Variants in CALN1 observed in about 807,000 individuals in gnomAD.
CALN1 encodes the protein calneuron 1.
In CALN1, 17 loss-of-function variants were observed where a neutral mutation model predicts 30.6. That is an observed-to-expected ratio of 0.56 (90% CI 0.38 to 0.83). CALN1 has a LOEUF of 0.83. CALN1 is among the 40% of genes least tolerant of loss of function. CALN1 has a pLI of 0.00. For synonymous variants in CALN1, 156 were observed against 131.4 expected (o/e 1.19, Z -1.28); for missense variants, 291 against 354.9 (o/e 0.82, Z 1.45).
At chr7:71,845,880 C>G (rs985105608) in intron 5 of CALN1, among the ~76,000 whole-genome samples, 11 of 152,020 alleles carry the variant, frequency 7.2e-5, no homozygotes, top group Admixed American at 1.3e-4. Flanking sequence ...ATGGTGAAAC[C>G]CCGTCTTTAC....
At chr7:72,049,184 A>C (rs1802676751) in intron 4 of CALN1, among the ~76,000 whole-genome samples, 1 of 152,172 alleles carries the variant, frequency 6.6e-6, no homozygotes, top group South Asian at 2.1e-4. Context: ...CAACAGCCAC[A>C]GCACAGATAA....
chr7:72,499,835 T>TCCC, the CALN1 span, among the ~76,000 whole-genome samples: 1 of 23,776 alleles, frequency 4.2e-5, no homozygotes, highest in East Asian at 1.0e-3. Flanking sequence ...CCTTCTTTCT[T>TCCC]TCTTTCTTTC....
intron 4 of CALN1, among the ~76,000 whole-genome samples, chr7:72,078,249 G>T (rs938109415): frequency 6.6e-6 from 1 of 152,046 alleles, no homozygotes; most frequent in Non-Finnish European, 1.5e-5. Flanking sequence ...TCATAGAGTG[G>T]TTTACTCTGC....
intron 3 of CALN1, among the ~76,000 whole-genome samples, chr7:72,273,702 G>T (rs1312345068): frequency 6.6e-6 from 1 of 151,510 alleles, no homozygotes; most frequent in Non-Finnish European, 1.5e-5. Flanking sequence ...GTAGAGACAG[G>T]GTCTCCCTAT....
At chr7:71,795,625 C>T (rs1020465971) in intron 6 of CALN1, among the ~76,000 whole-genome samples, 1 of 152,094 alleles carries the variant, frequency 6.6e-6, no homozygotes, top group Non-Finnish European at 1.5e-5. Context: ...CATTAACAGT[C>T]GCTGCTCATT....
At chr7:72,278,920 TAGC>T in intron 2 of CALN1, 110 bp from the exon 3 acceptor site, 1 of 1,397,462 alleles carries the variant, frequency 7.2e-7, no homozygotes, top group South Asian at 1.3e-5. Context: ...ATTTTAAAAA[TAGC>T]AGTAATATTT....
At chr7:71,978,217 G>C (rs899459391) in intron 5 of CALN1, among the ~76,000 whole-genome samples, 10 of 143,976 alleles carry the variant, frequency 6.9e-5, no homozygotes, top group Non-Finnish European at 9.0e-5. Context: ...TCACGATGCT[G>C]AATCTTGAGT....
chr7:72,385,812 T>C (rs1805176766), intron 2 of CALN1, among the ~76,000 whole-genome samples: 1 of 152,200 alleles, frequency 6.6e-6, no homozygotes, highest in Non-Finnish European at 1.5e-5. Context: ...AAGAAAGTCC[T>C]TGCTTCCCCT....
intron 3 of CALN1, among the ~76,000 whole-genome samples, chr7:72,247,227 C>CTTTTTTTTTTTTTTTTTTT (rs764276435): frequency 1.3e-5 from 1 of 77,672 alleles, no homozygotes; most frequent in African/African-American, 5.5e-5. Context: ...CATTTTCTTT[C>CTTTTTTTTTTTTTTTTTTT]TTTTTTTTTT....
the CALN1 span, among the ~76,000 whole-genome samples, chr7:72,501,395 AAAG>A: frequency 6.9e-6 from 1 of 145,770 alleles, no homozygotes; most frequent in African/African-American, 2.5e-5. Flanking sequence ...AAAAAAAAAA[AAAG>A]ACAAAGAAAA....
intron 4 of CALN1, among the ~76,000 whole-genome samples, chr7:72,084,098 A>C (rs1012180484): frequency 7.9e-5 from 12 of 152,092 alleles, no homozygotes; most frequent in African/African-American, 2.6e-4. Flanking sequence ...AGTCCCAGCT[A>C]CTCAGGAGGC....
At chr7:71,902,210 C>T (rs528358933) in intron 5 of CALN1, among the ~76,000 whole-genome samples, 7 of 151,040 alleles carry the variant, frequency 4.6e-5, no homozygotes, top group South Asian at 2.1e-4. Context: ...GGTGACAATG[C>T]GAGACTCCGT....
Position 72,378,485 on chromosome 7 carries a change from AAC to A in CALN1, c.119+24764_119+24765del, listed in dbSNP as rs956742151. Among the ~76,000 whole-genome samples the A allele has an allele frequency of 5.3e-5, 8 of 152,326 alleles. No homozygotes were observed. The South Asian group carries it at 1.2e-3, about 24-fold the overall frequency. On this transcript the variant is annotated intron_variant, in intron 2 of 6. Transcript: ENST00000395275. ...AGGATTTTTTAATGGCTTTTATGGAAACACAGAATTTTAGAGTTCCCAATCTG... is the reference window on the plus strand; with the variant it reads ...AGGATTTTTTAATGGCTTTTATGGAAACAGAATTTTAGAGTTCCCAATCTG...
intron 4 of CALN1, among the ~76,000 whole-genome samples, chr7:72,026,238 C>T (rs547242734): frequency 3.9e-5 from 6 of 152,184 alleles, no homozygotes; most frequent in Non-Finnish European, 7.4e-5. Context: ...ACAGGAAGTA[C>T]CAATCAAGAT....
chr7:72,278,889 G>C (rs750194716), intron 2 of CALN1, 79 bp from the exon 3 acceptor site: 3 of 1,532,334 alleles, frequency 2.0e-6, no homozygotes, highest in Non-Finnish European at 2.7e-6. Context: ...AGGACCATCT[G>C]ATTTTCAGAT....
At chr7:71,830,834 T>C (rs867108153) in intron 5 of CALN1, among the ~76,000 whole-genome samples, 11 of 152,202 alleles carry the variant, frequency 7.2e-5, no homozygotes, top group African/African-American at 2.7e-4. Context: ...ATAGAACTCT[T>C]TTTATTCCCA....
At chr7:72,318,165 A>G (rs956743988) in intron 2 of CALN1, among the ~76,000 whole-genome samples, 4 of 152,198 alleles carry the variant, frequency 2.6e-5, no homozygotes, top group Non-Finnish European at 5.9e-5. Context: ...TTTGGTTTCA[A>G]TGCAAATGAT....
intron 5 of CALN1, among the ~76,000 whole-genome samples, chr7:71,986,955 C>T (rs780570570): frequency 5.9e-5 from 9 of 152,138 alleles, no homozygotes; most frequent in Non-Finnish European, 1.3e-4. Context: ...TAACAAAACA[C>T]CGTCTCTATT....
rs186287650 is a variant in CALN1, at chr7:71,802,850, T to C, written c.658+7486A>G. On this transcript the variant is annotated intron_variant, in intron 6 of 6. Coordinates refer to ENST00000395275, the MANE Select transcript of CALN1 (RefSeq NM_031468.4). ...CCAGCCTGGCCAACATGGTGAAACC[T>C]TGTCTGTACTAAAAATACAAAAATT... 2.0e-3 allele frequency among the ~76,000 whole-genome samples: 300 copies of C among 152,032 alleles called. 2 individuals are homozygous for C. In the Middle Eastern group the frequency reaches 0.031, roughly 16 times the overall value.
Sources: gnomAD v4.1 joint callset for allele counts (sites outside exome capture counted in the v4.1 genomes callset) on GRCh38, gnomAD v4.1.1 for gene constraint, MANE v1.5 for transcripts, NCBI Gene and HGNC (gene_info 2026-07-23, HGNC 2026-07-21) for gene names.